CRTC3: variants seen among roughly 807,000 people sequenced by gnomAD.
CRTC3 encodes CREB-regulated transcription coactivator 3.
Under a neutral mutation model 74.5 loss-of-function variants are expected in CRTC3, and 26 were observed. The ratio of observed to expected loss-of-function variants is 0.35; its 90% CI spans 0.26 to 0.48. The LOEUF is 0.48. Among genes scored for constraint, CRTC3 ranks in the 20% least tolerant of loss-of-function variants. The pLI is 0.99. For synonymous variants in CRTC3, 377 were observed against 325.8 expected, an observed-to-expected ratio of 1.16 and a Z score of -1.69; for missense variants, 760 against 787.3, an observed-to-expected ratio of 0.97 and a Z score of 0.41.
At chr15:90,615,088 A>AAATTAATT (rs996903847) in intron 7 of CRTC3, among the ~76,000 whole-genome samples, 2 of 148,806 alleles carry the variant, frequency 1.3e-5, no homozygotes, top group Admixed American at 6.7e-5. Flanking sequence ...ATAAATAAAT[A>AAATTAATT]AATTAATTAA....
In CRTC3 at chr15:90,598,692, AC is replaced by A. The variant is rs1967993264; in HGVS notation, c.352-3631del. 5.0e-6 allele frequency: 3 copies of A among 599,404 alleles called. No individual in the cohort carries two copies. In the East Asian group the frequency reaches 8.4e-5, roughly 17 times the overall value. 37.1% of individuals were successfully genotyped at this position (599,404 alleles called of 1,614,324 possible). On this transcript the variant is annotated intron_variant, in intron 3 of 14. Transcript: ENST00000268184. ...TGGTAGAATTTGAGCTGTCTTGGGT[AC>A]TTTTGGCAGAGAACTTGAGTAGGCA...
At chr15:90,572,119 G>A (rs1353281821) in intron 2 of CRTC3, among the ~76,000 whole-genome samples, 3 of 145,738 alleles carry the variant, frequency 2.1e-5, no homozygotes, top group East Asian at 2.0e-4. Flanking sequence ...CCAAGATTGC[G>A]CCATCGTACT....
In CRTC3 at chr15:90,644,195, C is replaced by G. The variant is rs1969548650; in HGVS notation, c.*2055C>G. 1 of 227,850 alleles carries G rather than the reference C, an allele frequency of 4.4e-6. No homozygotes were observed. The highest frequency in any genetic ancestry group is 5.7e-5 in the Admixed American group (1 of 17,548). 14.1% of individuals were successfully genotyped at this position (227,850 alleles called of 1,614,324 possible). ...CTGTTCCCAGTTACACTTTCAGATC[C>G]CTTTGTGCTCAAGATCTCAGAGGGG... On this transcript the variant is annotated 3_prime_UTR_variant, in exon 15 of 15. Coordinates refer to ENST00000268184, the MANE Select transcript of CRTC3 (RefSeq NM_022769.5).
intron 12 of CRTC3, 25 bp from the exon 13 acceptor site, chr15:90,638,710 A>G (rs1294793473): frequency 1.2e-6 from 2 of 1,613,458 alleles, no homozygotes; most frequent in South Asian, 2.2e-5. Flanking sequence ...TCCAAGCTAA[A>G]TGATCATCTC....
chr15:90,603,717 G>A (rs1017118806), intron 4 of CRTC3, among the ~76,000 whole-genome samples: 11 of 152,080 alleles, frequency 7.2e-5, no homozygotes, highest in Non-Finnish European at 1.2e-4. Flanking sequence ...TTAGCTCTCC[G>A]GATTGAAGTC....
chr15:90,595,729 G>T (rs968112682), intron 3 of CRTC3: 1 of 152,120 alleles, frequency 6.6e-6, no homozygotes, highest in African/African-American at 2.4e-5. Context: ...AAATGTATAA[G>T]CATGCATATA....
chr15:90,541,481 A>G (rs1013867158), intron 2 of CRTC3, among the ~76,000 whole-genome samples: 1 of 152,240 alleles, frequency 6.6e-6, no homozygotes, highest in African/African-American at 2.4e-5. Context: ...CTTGTCTTCA[A>G]TATAATGACA....
chr15:90,598,173 C>T (rs1248363047), intron 3 of CRTC3: 1 of 455,820 alleles, frequency 2.2e-6, no homozygotes, highest in African/African-American at 2.0e-5. Flanking sequence ...GACTGGCTTC[C>T]AGGCTGCCCC....
chr15:90,628,925 G>A lies in CRTC3; in HGVS notation c.968-309G>A, dbSNP rs1432041924. Among the ~76,000 whole-genome samples, 10 of 152,106 alleles carry A rather than the reference G, an allele frequency of 6.6e-5. No homozygotes were observed. The South Asian group carries it at 1.0e-3, about 16-fold the overall frequency. ...AGGGTCCTTTCCCTGGGTCTGGGCC[G>A]AGCACCTGGAATATTTGCCTCTGTT... On this transcript the variant is annotated intron_variant, in intron 10 of 14. Coordinates refer to ENST00000268184, the MANE Select transcript of CRTC3 (RefSeq NM_022769.5).
intron 7 of CRTC3, among the ~76,000 whole-genome samples, chr15:90,615,079 TA>T (rs1567185483): frequency 2.0e-5 from 3 of 152,120 alleles, no homozygotes; most frequent in African/African-American, 7.2e-5. Context: ...AATAAATAAA[TA>T]AATAAATAAA....
chr15:90,642,238 ACAT>A lies in CRTC3; in HGVS notation c.*99_*101del. On this transcript the variant is annotated 3_prime_UTR_variant, in exon 15 of 15. Coordinates refer to ENST00000268184, the MANE Select transcript of CRTC3 (RefSeq NM_022769.5). ...GATACCACGGGCTTTCGTTATCTTGACATAGAAGGAAGCAATGCCACGGCTCCA... is the reference window on the plus strand; with the variant it reads ...GATACCACGGGCTTTCGTTATCTTGAAGAAGGAAGCAATGCCACGGCTCCA... 1 of 1,006,946 alleles carries A rather than the reference ACAT, an allele frequency of 9.9e-7. No individual in the cohort carries two copies. The highest frequency in any genetic ancestry group is 1.5e-6 in the Non-Finnish European group (1 of 667,400). The allele number at this position is 1,006,946 out of a possible 1,614,324, so 62.4% of individuals were successfully genotyped here.
chr15:90,590,222 A>C (rs2151076717), intron 2 of CRTC3, among the ~76,000 whole-genome samples: 1 of 151,206 alleles, frequency 6.6e-6, no homozygotes, highest in Non-Finnish European at 1.5e-5. Context: ...GAACCAAGGA[A>C]GTGGAGGCTG....
chr15:90,535,176 A>G (rs1228312487), intron 1 of CRTC3, among the ~76,000 whole-genome samples: 2 of 152,002 alleles, frequency 1.3e-5, no homozygotes, highest in Non-Finnish European at 1.5e-5. Flanking sequence ...AAAAAAAAAA[A>G]AAAAGAAAGT....
Position 90,614,451 on chromosome 15 carries a change from A to G in CRTC3, c.578-2A>G. The G allele has an allele frequency of 6.2e-7, 1 of 1,606,736 alleles. No homozygotes were observed. Among genetic ancestry groups the G allele is most frequent in the Non-Finnish European group, 8.5e-7 (1 of 1,174,002 alleles). On this transcript the variant is annotated splice_acceptor_variant, in intron 6 of 14. Transcript: ENST00000268184. LOFTEE classifies it high-confidence loss of function. ...CTTTTTTTCTTTTTCCTTTCCCGCT[A>G]GGTTTCTGTGATGGTGAGAATAATG...
intron 2 of CRTC3, among the ~76,000 whole-genome samples, chr15:90,563,358 A>G (rs1457418208): frequency 6.6e-6 from 1 of 152,164 alleles, no homozygotes; most frequent in Non-Finnish European, 1.5e-5. Context: ...GTGAGTAGAG[A>G]TCACTCCACT....
At chr15:90,540,208 G>C in intron 2 of CRTC3, 71 bp downstream of exon 2, 1 of 1,083,644 alleles carries the variant, frequency 9.2e-7, no homozygotes, top group Non-Finnish European at 1.4e-6. Context: ...TCACTAAAAA[G>C]ATGAGATCTT....
chr15:90,614,989 G>A (rs764755119), intron 7 of CRTC3, among the ~76,000 whole-genome samples: 9 of 152,076 alleles, frequency 5.9e-5, no homozygotes, highest in East Asian at 1.9e-4. Context: ...GCTTGAACAC[G>A]GGAGGCGGAG....
intron 3 of CRTC3, chr15:90,595,621 T>C (rs1967904667): frequency 6.6e-6 from 1 of 152,056 alleles, no homozygotes; most frequent in Non-Finnish European, 1.5e-5. Flanking sequence ...CTTTTTCCTG[T>C]CAGTGCTCTC....
intron 6 of CRTC3, among the ~76,000 whole-genome samples, chr15:90,612,535 A>G (rs542108583): frequency 1.6e-4 from 25 of 151,988 alleles, no homozygotes; most frequent in Non-Finnish European, 3.1e-4. Context: ...CTCATGTTTC[A>G]GGGACAGGTC....
Sources: gnomAD v4.1 joint callset for allele counts (sites outside exome capture counted in the v4.1 genomes callset) on GRCh38, gnomAD v4.1.1 for gene constraint, MANE v1.5 for transcripts, NCBI Gene and HGNC (gene_info 2026-07-23, HGNC 2026-07-21) for gene names.